Variants in MKKS observed in about 807,000 individuals in gnomAD.
MKKS encodes the protein MKKS centrosomal shuttling protein.
A neutral mutation model predicts 33.2 loss-of-function variants in MKKS; 29 were observed. The ratio of observed to expected loss-of-function variants is 0.87; its 90% CI spans 0.65 to 1.19. The LOEUF (loss-of-function observed/expected upper bound fraction) is 1.19, where lower values mean the gene tolerates loss of function less well. Among genes scored for constraint, MKKS ranks in the 50% most tolerant of loss-of-function variants. The probability of loss-of-function intolerance (pLI) is 0.00; values close to 1 mark genes in which losing one functional copy is unlikely to be tolerated. For missense variants in MKKS, 661 were observed against 662.3 expected (o/e 1.00, Z 0.02); for synonymous variants, 260 against 244.0 (o/e 1.07, Z -0.61).
chr20:10,405,656 T>C lies in MKKS; in HGVS notation c.1304A>G (p.Asp435Gly). The change falls in exon 6 of 6, where the codon GAT (aspartate) becomes GGT (glycine). Residue 435 changes from aspartate (D) to glycine (G), a missense_variant. Transcript: ENST00000347364. ...AAGTTCTGTTTGAGTACATTCATCA[T>C]CTTTGAGAATGCTTTCTGGGTCGTT... ...THNDPESILK[D>G]DECTQTELQL... 6.2e-7 allele frequency: 1 copy of C among 1,614,106 alleles called. No individual in the cohort carries two copies. The highest frequency in any genetic ancestry group is 1.1e-5 in the South Asian group (1 of 91,082).
In MKKS at chr20:10,413,099, C is replaced by T. The variant is rs145045986; in HGVS notation, c.416G>A (p.Arg139Gln). The T allele has an allele frequency of 2.1e-4, 344 of 1,613,938 alleles. No individual in the cohort carries two copies. The East Asian group carries it at 6.5e-3, about 30-fold the overall frequency. Residue 139 changes from arginine (R) to glutamine (Q), a missense_variant, in exon 3 of 6, where the codon CGA becomes CAA. Coordinates refer to ENST00000347364, the MANE Select transcript of MKKS (RefSeq NM_170784.3). ...SYLKSETCGC[R>Q]IPVDFSSTQI... ...AGTACTACTAAAGTCCACTGGGATTCGACAACCACAGGTCTCAGACTTGAG... is the reference window on the plus strand; with the variant it reads ...AGTACTACTAAAGTCCACTGGGATTTGACAACCACAGGTCTCAGACTTGAG...
At chr20:10,420,182 AAAG>A (rs1480876707) in intron 2 of MKKS, among the ~76,000 whole-genome samples, 2 of 152,226 alleles carry the variant, frequency 1.3e-5, no homozygotes, top group Admixed American at 6.5e-5. Flanking sequence ...GTTAAAAAAA[AAAG>A]AACACTAATA....
At chr20:10,417,373 G>A (rs564735250) in intron 2 of MKKS, among the ~76,000 whole-genome samples, 5 of 152,204 alleles carry the variant, frequency 3.3e-5, no homozygotes, top group Non-Finnish European at 7.3e-5. Context: ...CACTTTGGGA[G>A]GCCAAGGCAG....
intron 3 of MKKS, among the ~76,000 whole-genome samples, chr20:10,412,092 T>C (rs544811361): frequency 6.6e-6 from 1 of 152,164 alleles, no homozygotes; most frequent in African/African-American, 2.4e-5. Flanking sequence ...TAGAAACAAC[T>C]ACTTAAGGAG....
chr20:10,412,732 C>G lies in MKKS; in HGVS notation c.783G>C (p.Val261=), dbSNP rs751761252. 4.3e-6 allele frequency: 7 copies of G among 1,614,030 alleles called. No homozygotes were observed. Among genetic ancestry groups the G allele is most frequent in the East Asian group, 2.2e-5 (1 of 44,892 alleles). Residue 261 remains valine, a synonymous_variant, in exon 3 of 6, where the codon GTG becomes GTC. Transcript: ENST00000347364. ...TTTCAAGAGAAACCCCATAACTGAC[C>G]ACCACAGTTCCTTCTCCAGTGTCAG... ...DTSDTGEGTV[V]VSYGVSLENA...
intron 1 of MKKS, among the ~76,000 whole-genome samples, chr20:10,428,543 C>T (rs1157365539): frequency 2.0e-5 from 3 of 152,176 alleles, no homozygotes; most frequent in Admixed American, 6.5e-5. Flanking sequence ...TAGCTCTCAA[C>T]TAAATCTTCT....
rs144892179 is a variant in MKKS at position 10,408,678 on chromosome 20, A to T, written c.1111T>A (p.Cys371Ser). The T allele has an allele frequency of 6.4e-5, 104 of 1,614,146 alleles. No individual in the cohort carries two copies. The African/African-American group carries it at 1.3e-3, about 20-fold the overall frequency. ...TTTCTGTTGCAGAGAAGCAAGCTGC[A>T]GATTGTTGCTTCATTAGGAATAAGA... ...FHLIPNEATI[C>S]SLLLCNRNDT... is the part of the protein sequence containing the mutation. The change falls in exon 4 of 6, where the codon TGC (cysteine) becomes AGC (serine). Residue 371 changes from cysteine (C) to serine (S), a missense_variant. Cys to Ser is a moderately radical substitution (Grantham distance 112). Transcript: ENST00000347364.
intron 1 of MKKS, among the ~76,000 whole-genome samples, chr20:10,429,831 A>G (rs1282077161): frequency 6.6e-6 from 1 of 152,168 alleles, no homozygotes; most frequent in Non-Finnish European, 1.5e-5. Flanking sequence ...GCCATTAGCA[A>G]CACTTGGGAA....
intron 1 of MKKS, chr20:10,431,590 A>G (rs1419955690): frequency 6.6e-6 from 1 of 152,204 alleles, no homozygotes; most frequent in African/African-American, 2.4e-5. Flanking sequence ...AAAACTGCAT[A>G]AAGTCTTTAC....
chr20:10,407,713 G>A lies in MKKS; in HGVS notation c.1175C>T (p.Thr392Met), dbSNP rs201183584. 1.2e-5 allele frequency: 19 copies of A among 1,613,366 alleles called. No homozygotes were observed. Among genetic ancestry groups the A allele is most frequent in the South Asian group, 3.3e-5 (3 of 91,018 alleles). Residue 392 changes from threonine to methionine, a missense_variant, in exon 5 of 6, where the codon ACG (threonine) becomes ATG (methionine). Thr to Met is a moderately conservative substitution (Grantham distance 81, BLOSUM62 -1). Coordinates refer to ENST00000347364, the MANE Select transcript of MKKS (RefSeq NM_170784.3). ...TGTTAACTGCAGGACATGCAGTGCC[G>A]TCTGACACGTGAGCTAAGAAAAAAC... ...AWDELKLTCQ[T>M]ALHVLQLTLK...
At chr20:10,405,831 G>T (rs2064839782) in intron 5 of MKKS, 144 bp from the exon 6 acceptor site, 3 of 841,454 alleles carry the variant, frequency 3.6e-6, no homozygotes, top group Non-Finnish European at 3.7e-6. Context: ...AATGCTAACG[G>T]GCTTGTATGG....
rs2122243049 is a variant in MKKS at position 10,416,322 on chromosome 20, G to A, written c.-417-2391C>T. On this transcript the variant is annotated intron_variant, in intron 2 of 5. Transcript: ENST00000347364. The stretch of plus-strand genomic sequence containing the variant: ...TTCTTTGGCAAAAAGAATGATTATA[G>A]GTATGAGGTAAGAAATACACAAGGT... Among the ~76,000 whole-genome samples the A allele has an allele frequency of 1.3e-5, 2 of 151,818 alleles. 1 individual carries two copies. Among genetic ancestry groups the A allele is most frequent in the South Asian group, 4.2e-4 (2 of 4,806 alleles).
Position 10,412,724 on chromosome 20 carries a change from T to G in MKKS, c.791A>C (p.Tyr264Ser), listed in dbSNP as rs1349610746. The G allele has an allele frequency of 6.2e-7, 1 of 1,614,170 alleles. No individual in the cohort carries two copies. Among genetic ancestry groups the G allele is most frequent in the East Asian group, 2.2e-5 (1 of 44,878 alleles). The change falls in exon 3 of 6, where the codon TAT becomes TCT. Residue 264 changes from tyrosine (Y) to serine (S), a missense_variant. Physicochemically the swap from Tyr to Ser is moderately radical, Grantham distance 144. Transcript: ENST00000347364. ...GACTGCATTTTCAAGAGAAACCCCATAACTGACCACCACAGTTCCTTCTCC... is the reference window on the plus strand; with the variant it reads ...GACTGCATTTTCAAGAGAAACCCCAGAACTGACCACCACAGTTCCTTCTCC... ...DTGEGTVVVS[Y>S]GVSLENAVLD... is the part of the protein sequence containing the mutation.
chr20:10,421,963 A>G (rs542752455), intron 1 of MKKS, among the ~76,000 whole-genome samples: 1 of 152,052 alleles, frequency 6.6e-6, no homozygotes, highest in African/African-American at 2.4e-5. Flanking sequence ...TGCATCTCTG[A>G]GTTTTAGTAC....
intron 1 of MKKS, among the ~76,000 whole-genome samples, chr20:10,423,150 A>G (rs2064993024): frequency 6.6e-6 from 1 of 152,160 alleles, no homozygotes; most frequent in Non-Finnish European, 1.5e-5. Context: ...ATAAAAAGAG[A>G]TTAGGGCCAG....
At chr20:10,414,982 T>C (rs1171403494) in intron 2 of MKKS, among the ~76,000 whole-genome samples, 1 of 152,210 alleles carries the variant, frequency 6.6e-6, no homozygotes, top group African/African-American at 2.4e-5. Flanking sequence ...ACAACAACAA[T>C]AAAAATAGGA....
chr20:10,433,439 C>G (rs1370705242), intron 1 of MKKS, among the ~76,000 whole-genome samples: 1 of 152,218 alleles, frequency 6.6e-6, no homozygotes, highest in Non-Finnish European at 1.5e-5. Flanking sequence ...ACTGCCGTAT[C>G]TACTAACTCG....
At position 10,402,904 on chromosome 20, in the gene MKKS, A is replaced by C. The variant is rs1316505972; in HGVS notation, c.*2343T>G. Reference sequence around the variant, plus strand: ...TATTAGATAGCTATTGCTGTATAAGAAAGTACATCCCAAATTTGACTTAAA... The same window carrying C: ...TATTAGATAGCTATTGCTGTATAAGCAAGTACATCCCAAATTTGACTTAAA... On this transcript the variant is annotated 3_prime_UTR_variant, in exon 6 of 6. Coordinates refer to ENST00000347364, the MANE Select transcript of MKKS (RefSeq NM_170784.3). 1.3e-5 allele frequency: 2 copies of C among 152,246 alleles called. No homozygotes were observed. Among genetic ancestry groups the C allele is most frequent in the Admixed American group, 1.3e-4 (2 of 15,290 alleles). The allele number at this position is 152,246 out of a possible 1,614,324, so 9.4% of individuals were successfully genotyped here.
At position 10,403,611 on chromosome 20, in the gene MKKS, C is replaced by G. The variant is rs1304026081; in HGVS notation, c.*1636G>C. The stretch of plus-strand genomic sequence containing the variant: ...AGAAAAGTTATCTGCCTTCTACTCA[C>G]AGCATAAAATTATGGATAAGGCATA... On this transcript the variant is annotated 3_prime_UTR_variant, in exon 6 of 6. Transcript: ENST00000347364. 1.3e-5 allele frequency: 2 copies of G among 152,184 alleles called. No individual in the cohort carries two copies. Among genetic ancestry groups the G allele is most frequent in the African/African-American group, 4.8e-5 (2 of 41,440 alleles). The allele number at this position is 152,184 out of a possible 1,614,324, so 9.4% of individuals were successfully genotyped here.
Sources: gnomAD v4.1 joint callset for allele counts (sites outside exome capture counted in the v4.1 genomes callset) on GRCh38, gnomAD v4.1.1 for gene constraint, MANE v1.5 for transcripts, NCBI Gene and HGNC (gene_info 2026-07-23, HGNC 2026-07-21) for gene names.